The following EFNA5 variants were observed in gnomAD, a reference collection of about 807,000 sequenced individuals.
EFNA5 encodes the protein ephrin-A5.
EFNA5 carries 5 observed loss-of-function variants against 22.9 expected under a neutral mutation model. The ratio of observed to expected loss-of-function variants is 0.22; its 90% confidence interval spans 0.11 to 0.46. EFNA5 has a LOEUF of 0.46. EFNA5 is among the 20% of genes least tolerant of loss of function. EFNA5 has a pLI of 0.99. For missense variants in EFNA5, 237 were observed against 293.3 expected (o/e 0.81, Z 1.40); for synonymous variants, 113 against 112.2 (o/e 1.01, Z -0.04).
At chr5:107,383,085 G>T (rs1204508464) in intron 4 of EFNA5, among the ~76,000 whole-genome samples, 1 of 152,134 alleles carries the variant, frequency 6.6e-6, no homozygotes, top group East Asian at 1.9e-4. Flanking sequence ...GGATGGTTTT[G>T]TCCATCACAT....
At chr5:107,651,259 C>T (rs1750723768) in intron 1 of EFNA5, among the ~76,000 whole-genome samples, 1 of 152,116 alleles carries the variant, frequency 6.6e-6, no homozygotes, top group Non-Finnish European at 1.5e-5. Flanking sequence ...TAATACTTCC[C>T]TCACAAGAGC....
intron 2 of EFNA5, among the ~76,000 whole-genome samples, chr5:107,400,415 T>A (rs1170559119): frequency 5.3e-5 from 8 of 152,206 alleles, no homozygotes. Context: ...CTGGATTACA[T>A]GCTGCCTCCT....
intron 1 of EFNA5, among the ~76,000 whole-genome samples, chr5:107,440,008 G>A (rs1021724137): frequency 6.6e-6 from 1 of 152,070 alleles, no homozygotes; most frequent in Non-Finnish European, 1.5e-5. Context: ...GGGGAACAAA[G>A]GTACTTCAGT....
intron 1 of EFNA5, among the ~76,000 whole-genome samples, chr5:107,595,650 T>C (rs1200133620): frequency 6.6e-6 from 1 of 152,232 alleles, no homozygotes; most frequent in Admixed American, 6.5e-5. Flanking sequence ...TCTGAGTAGC[T>C]TCCCTGCAAT....
chr5:107,481,106 G>A (rs1445480682), intron 1 of EFNA5, among the ~76,000 whole-genome samples: 2 of 152,196 alleles, frequency 1.3e-5, no homozygotes, highest in Non-Finnish European at 2.9e-5. Context: ...GAGGTGTGCA[G>A]CAAGCAACAG....
intron 1 of EFNA5, among the ~76,000 whole-genome samples, chr5:107,580,841 C>T (rs1749057853): frequency 6.6e-6 from 1 of 152,006 alleles, no homozygotes; most frequent in Admixed American, 6.6e-5. Flanking sequence ...TGTGTCCACA[C>T]AAAAGTGTGG....
chr5:107,668,348 G>A (rs13170272), intron 1 of EFNA5, among the ~76,000 whole-genome samples: 48,740 of 152,078 alleles, frequency 0.32, 8,805 homozygotes, highest in South Asian at 0.52. Context: ...AGGCAGGGCA[G>A]ATCTATTAAA....
At position 107,670,604 on chromosome 5, in the gene EFNA5, C is replaced by T; in HGVS notation, c.10G>A (p.Val4Met). 6.2e-7 allele frequency: 1 copy of T among 1,603,448 alleles called. No individual in the cohort carries two copies. Among genetic ancestry groups the T allele is most frequent in the Non-Finnish European group, 8.5e-7 (1 of 1,175,550 alleles). The change falls in exon 1 of 5, where the codon GTG becomes ATG. Residue 4 changes from valine to methionine, a missense_variant. By Grantham distance (21) the Val-to-Met change is conservative (BLOSUM62 1). Transcript: ENST00000333274. The stretch of plus-strand genomic sequence containing the variant: ...AGAAACACCAGCGTCAACATCTCCA[C>T]GTGCAACATCACGCCTGGCCAGCGG... MLH[V>M]EMLTLVFLVL...
intron 1 of EFNA5, among the ~76,000 whole-genome samples, chr5:107,558,952 T>C (rs763889364): frequency 4.6e-5 from 7 of 152,210 alleles, no homozygotes; most frequent in Non-Finnish European, 7.4e-5. Flanking sequence ...TTTTCTTATA[T>C]ATGTTCTGGC....
chr5:107,528,560 A>G (rs902345806), intron 1 of EFNA5, among the ~76,000 whole-genome samples: 3 of 152,198 alleles, frequency 2.0e-5, no homozygotes, highest in African/African-American at 7.2e-5. Context: ...CAATAGTCTC[A>G]AAAGCATGAA....
chr5:107,631,759 A>AG (rs1750259497), intron 1 of EFNA5, among the ~76,000 whole-genome samples: 1 of 152,174 alleles, frequency 6.6e-6, no homozygotes, highest in South Asian at 2.1e-4. Context: ...AGAAAATGGG[A>AG]GGGGGGAAAT....
intron 1 of EFNA5, among the ~76,000 whole-genome samples, chr5:107,668,968 G>A (rs182192659): frequency 1.3e-3 from 191 of 152,088 alleles, no homozygotes; most frequent in Middle Eastern, 0.01. Flanking sequence ...AAACTTTCAG[G>A]AATATCTCCA....
At chr5:107,396,844 T>A (rs1747939790) in intron 2 of EFNA5, among the ~76,000 whole-genome samples, 1 of 152,126 alleles carries the variant, frequency 6.6e-6, no homozygotes, top group Admixed American at 6.5e-5. Context: ...TTTCAATCCA[T>A]GTTAAGAGTG....
At chr5:107,629,364 C>T (rs541251845) in intron 1 of EFNA5, among the ~76,000 whole-genome samples, 2 of 152,028 alleles carry the variant, frequency 1.3e-5, no homozygotes, top group Admixed American at 6.5e-5. Context: ...CAAACAGGCA[C>T]ACACACACAC....
At chr5:107,664,334 T>C (rs1195560515) in intron 1 of EFNA5, among the ~76,000 whole-genome samples, 1 of 138,160 alleles carries the variant, frequency 7.2e-6, no homozygotes, top group Non-Finnish European at 1.6e-5. Context: ...ATTGTGCTCC[T>C]TTATGACTGA....
intron 2 of EFNA5, among the ~76,000 whole-genome samples, chr5:107,405,134 C>T (rs761170917): frequency 6.6e-6 from 1 of 152,184 alleles, no homozygotes; most frequent in Non-Finnish European, 1.5e-5. Context: ...CAGCGATACT[C>T]GCCATGAAAG....
At chr5:107,636,336 C>T (rs1269021853) in intron 1 of EFNA5, among the ~76,000 whole-genome samples, 1 of 152,208 alleles carries the variant, frequency 6.6e-6, no homozygotes, top group Non-Finnish European at 1.5e-5. Context: ...TCCTGCCCAG[C>T]TTGCCTGCAA....
At chr5:107,486,302 C>T (rs1456927048) in intron 1 of EFNA5, among the ~76,000 whole-genome samples, 1 of 152,124 alleles carries the variant, frequency 6.6e-6, no homozygotes, top group African/African-American at 2.4e-5. Flanking sequence ...TTTAGCCTAC[C>T]GGCTTCTCCT....
At chr5:107,436,114 G>C (rs1346635584) in intron 1 of EFNA5, among the ~76,000 whole-genome samples, 1 of 152,174 alleles carries the variant, frequency 6.6e-6, no homozygotes, top group African/African-American at 2.4e-5. Context: ...TCTACTACAA[G>C]TCATGTCAGT....
Sources: allele counts gnomAD v4.1 joint callset (sites outside exome capture counted in the v4.1 genomes callset), GRCh38; gene constraint gnomAD v4.1.1; transcripts MANE v1.5; gene names NCBI Gene and HGNC (gene_info 2026-07-23, HGNC 2026-07-21).